Variants in SH3BGRL2 observed in about 807,000 individuals in gnomAD.
SH3BGRL2 encodes the protein SH3 domain-binding glutamic acid-rich-like protein 2.
SH3BGRL2 carries 21 observed loss-of-function variants against 14.8 expected under a neutral mutation model. The ratio of observed to expected loss-of-function variants is 1.42; its 90% CI spans 1.01 to 2.05. The LOEUF (loss-of-function observed/expected upper bound fraction) is 2.05. Ranked by LOEUF, SH3BGRL2 falls within the 30% of genes most tolerant of loss-of-function variation. The pLI is 0.00. For synonymous variants in SH3BGRL2, 50 were observed against 47.8 expected, an observed-to-expected ratio of 1.05 and a Z score of -0.19; for missense variants, 147 against 130.8, an observed-to-expected ratio of 1.12 and a Z score of -0.61.
At chr6:79,619,536 G>T in the SH3BGRL2 span, among the ~76,000 whole-genome samples, 1 of 152,130 alleles carries the variant, frequency 6.6e-6, no homozygotes, top group African/African-American at 2.4e-5. Flanking sequence ...GTCCTCATTG[G>T]TATTTGAGGT....
At chr6:79,633,266 GT>G (rs1306547269) in intron 1 of SH3BGRL2, among the ~76,000 whole-genome samples, 2 of 152,094 alleles carry the variant, frequency 1.3e-5, no homozygotes, top group Non-Finnish European at 2.9e-5. Context: ...CTCTGCCTGA[GT>G]TTCTCTTCTG....
chr6:79,597,229 C>A, the SH3BGRL2 span, among the ~76,000 whole-genome samples: 6 of 147,580 alleles, frequency 4.1e-5, no homozygotes, highest in Admixed American at 6.8e-5. Flanking sequence ...ACTCTGTCAA[C>A]AAAAAAAAAG....
intron 2 of SH3BGRL2, among the ~76,000 whole-genome samples, chr6:79,689,069 CAA>C (rs1479537561): frequency 2.6e-5 from 4 of 152,070 alleles, no homozygotes; most frequent in Admixed American, 6.6e-5. Flanking sequence ...TTAACAAATG[CAA>C]TTCATCTATC....
intron 1 of SH3BGRL2, among the ~76,000 whole-genome samples, chr6:79,672,815 C>CATCT: frequency 6.6e-6 from 1 of 152,196 alleles, no homozygotes; most frequent in South Asian, 2.1e-4. Flanking sequence ...CTCAAGAGCA[C>CATCT]ATCTGACCCC....
the SH3BGRL2 span, among the ~76,000 whole-genome samples, chr6:79,545,311 G>A: frequency 1.3e-5 from 2 of 152,118 alleles, no homozygotes; most frequent in African/African-American, 2.4e-5. Flanking sequence ...TTGTATCCAT[G>A]GTGACGGATG....
intron 1 of SH3BGRL2, among the ~76,000 whole-genome samples, chr6:79,645,349 T>C (rs1769119745): frequency 6.6e-6 from 1 of 152,036 alleles, no homozygotes; most frequent in African/African-American, 2.4e-5. Context: ...GTTACCTTTC[T>C]TAGACACAAA....
At chr6:79,680,894 A>AT (rs1480434965) in intron 2 of SH3BGRL2, among the ~76,000 whole-genome samples, 1 of 152,034 alleles carries the variant, frequency 6.6e-6, no homozygotes, top group Admixed American at 6.6e-5. Context: ...AACACAACTG[A>AT]TTTTTTTGTG....
At chr6:79,539,629 G>C in the SH3BGRL2 span, among the ~76,000 whole-genome samples, 1 of 152,212 alleles carries the variant, frequency 6.6e-6, no homozygotes, top group Non-Finnish European at 1.5e-5. Flanking sequence ...ATATGGCAAT[G>C]ATGTAGATGT....
At chr6:79,573,980 G>A in the SH3BGRL2 span, 1 of 152,094 alleles carries the variant, frequency 6.6e-6, no homozygotes, top group African/African-American at 2.4e-5. Context: ...GATTCTATGT[G>A]TGTCTGTTTG....
At chr6:79,692,611 A>C (rs530941805) in intron 2 of SH3BGRL2, among the ~76,000 whole-genome samples, 3 of 151,688 alleles carry the variant, frequency 2.0e-5, no homozygotes, top group African/African-American at 7.3e-5. Context: ...TATTAAATAG[A>C]GACTCCTTTC....
intron 1 of SH3BGRL2, among the ~76,000 whole-genome samples, chr6:79,661,498 G>A (rs1046423127): frequency 1.3e-5 from 2 of 152,184 alleles, no homozygotes; most frequent in African/African-American, 4.8e-5. Context: ...CTGAGAGACC[G>A]TTTGTTGTGA....
intron 1 of SH3BGRL2, among the ~76,000 whole-genome samples, chr6:79,632,097 A>G (rs1277471620): frequency 6.6e-6 from 1 of 152,174 alleles, no homozygotes; most frequent in Non-Finnish European, 1.5e-5. Context: ...TTAGGGTGCC[A>G]TAAATATTTT....
the SH3BGRL2 span, among the ~76,000 whole-genome samples, chr6:79,602,728 T>A: frequency 6.6e-6 from 1 of 152,112 alleles, no homozygotes; most frequent in Non-Finnish European, 1.5e-5. Flanking sequence ...AGAAAAATGG[T>A]CTAATTTGGG....
intron 2 of SH3BGRL2, 127 bp downstream of exon 2, chr6:79,673,926 G>T: frequency 1.1e-6 from 1 of 936,388 alleles, no homozygotes; most frequent in Non-Finnish European, 1.6e-6. Context: ...AGATCCACAT[G>T]TCTAACAGAG....
the SH3BGRL2 span, among the ~76,000 whole-genome samples, chr6:79,556,640 C>CCTGGG: frequency 6.6e-6 from 1 of 151,924 alleles, no homozygotes; most frequent in African/African-American, 2.4e-5. Flanking sequence ...AGTAGTTCCA[C>CCTGGG]TTTTAGAATT....
At chr6:79,592,562 G>A in the SH3BGRL2 span, among the ~76,000 whole-genome samples, 6 of 152,122 alleles carry the variant, frequency 3.9e-5, no homozygotes, top group Non-Finnish European at 7.4e-5. Context: ...TGTGGGAGGA[G>A]GCAGTATTCT....
chr6:79,680,675 C>T (rs751650369), intron 2 of SH3BGRL2, among the ~76,000 whole-genome samples: 3 of 151,994 alleles, frequency 2.0e-5, no homozygotes, highest in Non-Finnish European at 4.4e-5. Context: ...GTATTATTGA[C>T]ATCTATAATA....
intron 1 of SH3BGRL2, among the ~76,000 whole-genome samples, chr6:79,658,008 TC>T (rs1304859315): frequency 3.9e-5 from 6 of 152,282 alleles, no homozygotes; most frequent in African/African-American, 1.4e-4. Context: ...GGAAGAAGCA[TC>T]CAGCCACGGG....
intron 1 of SH3BGRL2, among the ~76,000 whole-genome samples, chr6:79,655,727 T>C (rs1455841274): frequency 6.6e-6 from 1 of 152,226 alleles, no homozygotes; most frequent in Non-Finnish European, 1.5e-5. Flanking sequence ...CTTAGCATGA[T>C]CTCAAAGTTC....
Sources: allele counts gnomAD v4.1 joint callset (sites outside exome capture counted in the v4.1 genomes callset), GRCh38; gene constraint gnomAD v4.1.1; transcripts MANE v1.5; gene names NCBI Gene and HGNC (gene_info 2026-07-23, HGNC 2026-07-21).